The following PLXNA2 variants were observed in gnomAD, a reference collection of about 807,000 sequenced individuals.
PLXNA2 encodes plexin-A2.
In PLXNA2, 91 loss-of-function variants were observed where a neutral mutation model predicts 193.5. That is an observed-to-expected ratio of 0.47 (90% CI 0.40 to 0.56). PLXNA2 has a LOEUF of 0.56. Among genes scored for constraint, PLXNA2 ranks in the 20% least tolerant of loss-of-function variants. The pLI is 0.00. For missense variants in PLXNA2, 1,995 were observed against 2,503.2 expected (o/e 0.80, Z 4.33); for synonymous variants, 997 against 1,027.3 (o/e 0.97, Z 0.56).
chr1:208,100,729 C>A (rs371132130), intron 5 of PLXNA2, among the ~76,000 whole-genome samples: 6 of 152,314 alleles, frequency 3.9e-5, no homozygotes, highest in African/African-American at 1.2e-4. Flanking sequence ...ACAGACAAGG[C>A]GCTGCAGCCA....
Position 208,186,708 on chromosome 1 carries a change from A to ATTTTTTT in PLXNA2, c.1371+23571_1371+23572insAAAAAAA, listed in dbSNP as rs368056918. Among the ~76,000 whole-genome samples, 1,056 of 111,544 alleles carry ATTTTTTT rather than the reference A, an allele frequency of 9.5e-3. 33 individuals carry two copies. Among genetic ancestry groups the ATTTTTTT allele is most frequent in the African/African-American group, 0.03 (993 of 33,104 alleles). 73.2% of individuals were successfully genotyped at this position (111,544 alleles called of 152,430 possible). A position where few individuals can be genotyped will look rare whatever the true frequency, so the allele number is the denominator to read the frequency against. ...GGGCTGTCCTGGGAATTGCAATGTT[A>ATTTTTTT]TTTTATTTTTTTTTTTTTTTTTGAG... On this transcript the variant is annotated intron_variant, in intron 3 of 31. Transcript: ENST00000367033.
At chr1:208,113,543 TC>T (rs1180188027) in intron 4 of PLXNA2, among the ~76,000 whole-genome samples, 2 of 97,806 alleles carry the variant, frequency 2.0e-5, no homozygotes, top group Middle Eastern at 4.4e-3. Flanking sequence ...ATGCTCTCTC[TC>T]TCTTTTTTTT....
chr1:208,210,197 C>A lies in PLXNA2; in HGVS notation c.1371+83G>T, dbSNP rs772301983. 5 of 1,465,370 alleles carry A rather than the reference C, an allele frequency of 3.4e-6. No homozygotes were observed. The Admixed American group carries it at 6.8e-5, about 20-fold the overall frequency. The allele number at this position is 1,465,370 out of a possible 1,614,324, so 90.8% of individuals were successfully genotyped here. On this transcript the variant is annotated intron_variant, in intron 3 of 31. Transcript: ENST00000367033. ...AAAATAAAGTTGCCTATAGTTAAAT[C>A]TCCACCAATAGCTACCTTCCAAGAG... is the stretch of plus-strand genomic sequence containing the variant.
At chr1:208,232,573 C>T (rs1469329225) in intron 1 of PLXNA2, among the ~76,000 whole-genome samples, 1 of 152,208 alleles carries the variant, frequency 6.6e-6, no homozygotes, top group Non-Finnish European at 1.5e-5. Context: ...TGTCTCCAAC[C>T]AAGCTGATAA....
At chr1:208,114,484 G>A (rs1293234104) in intron 4 of PLXNA2, among the ~76,000 whole-genome samples, 1 of 152,220 alleles carries the variant, frequency 6.6e-6, no homozygotes, top group Non-Finnish European at 1.5e-5. Flanking sequence ...AGCTAGCTCA[G>A]CATTATCCAT....
At chr1:208,054,289 G>A (rs1665355424) in intron 14 of PLXNA2, 132 bp downstream of exon 14, 2 of 615,536 alleles carry the variant, frequency 3.2e-6, no homozygotes, top group South Asian at 2.2e-5. Flanking sequence ...GCCTTATCTG[G>A]AGGGTCCTTT....
At chr1:208,204,291 C>T (rs546705039) in intron 3 of PLXNA2, among the ~76,000 whole-genome samples, 1 of 152,312 alleles carries the variant, frequency 6.6e-6, no homozygotes, top group South Asian at 2.1e-4. Context: ...TTTCCTGCTT[C>T]CCCTGTTATA....
At chr1:208,232,312 C>A (rs999140181) in intron 1 of PLXNA2, among the ~76,000 whole-genome samples, 2 of 152,238 alleles carry the variant, frequency 1.3e-5, no homozygotes. Flanking sequence ...CCAAGCACCT[C>A]TGCAGTCCCT....
chr1:208,025,954 G>T lies in PLXNA2; in HGVS notation c.*1289C>A, dbSNP rs1457620735. ...GTGCTGTAGGCCCAGATGGTCAGGA[G>T]CTTCCGTATATGAGCGAAGGGTGGT... On this transcript the variant is annotated 3_prime_UTR_variant, in exon 32 of 32. Transcript: ENST00000367033. The T allele has an allele frequency of 6.6e-6, 1 of 152,656 alleles. No homozygotes were observed. The highest frequency in any genetic ancestry group is 1.9e-4 in the East Asian group (1 of 5,200). The allele number at this position is 152,656 out of a possible 1,614,324, so 9.5% of individuals were successfully genotyped here.
At chr1:208,180,340 GTAGGAGGC>G (rs1669801574) in intron 3 of PLXNA2, among the ~76,000 whole-genome samples, 1 of 152,118 alleles carries the variant, frequency 6.6e-6, no homozygotes, top group Non-Finnish European at 1.5e-5. Flanking sequence ...AGGGGCTCCG[GTAGGAGGC>G]CTGAGTGGGC....
At position 208,034,604 on chromosome 1, in the gene PLXNA2, A is replaced by G. The variant is rs113008184; in HGVS notation, c.4765-12T>C. Reference sequence around the variant, plus strand: ...GACCTGTCTGACACCTGAGAAGGGTACAAAAGGTACAGTACAAAAGGTGAA... The same window carrying G: ...GACCTGTCTGACACCTGAGAAGGGTGCAAAAGGTACAGTACAAAAGGTGAA... On this transcript the variant is annotated splice_polypyrimidine_tract_variant and intron_variant, in intron 26 of 31. Transcript: ENST00000367033. 7.8e-4 allele frequency: 1,207 copies of G among 1,540,802 alleles called. 10 individuals are homozygous for G. The African/African-American group carries it at 9.6e-3, about 12-fold the overall frequency.
chr1:208,210,360 G>A lies in PLXNA2; in HGVS notation c.1291C>T (p.Arg431Cys), dbSNP rs201461876. The A allele has an allele frequency of 2.2e-5, 36 of 1,613,900 alleles. No homozygotes were observed. Among genetic ancestry groups the A allele is most frequent in the Middle Eastern group, 1.6e-4 (1 of 6,084 alleles). ...ACGTAGGAGGCCACAGAGGTCATGC[G>A]GTCCCTGCTGGTGGTGTACAGGGTC... ...GLTLYTTSRD[R>C]MTSVASYVYN... Residue 431 changes from arginine to cysteine, a missense_variant, in exon 3 of 32, where the codon CGC (arginine) becomes TGC (cysteine). By Grantham distance (180) the Arg-to-Cys change is radical. This residue lies in a region of PLXNA2 where 702 missense variants were observed against 812.9 expected (regional missense o/e 0.86). Coordinates refer to ENST00000367033, the MANE Select transcript of PLXNA2 (RefSeq NM_025179.4).
At chr1:208,103,371 G>T (rs568471830) in intron 4 of PLXNA2, 124 bp from the exon 5 acceptor site, 4 of 673,006 alleles carry the variant, frequency 5.9e-6, no homozygotes, top group Admixed American at 5.8e-5. Context: ...GATACTGGGC[G>T]GCAAGTCATG....
At chr1:208,057,499 C>T (rs1427131943) in intron 13 of PLXNA2, among the ~76,000 whole-genome samples, 1 of 152,182 alleles carries the variant, frequency 6.6e-6, no homozygotes, top group East Asian at 1.9e-4. Flanking sequence ...GTTCTGAGAG[C>T]TAACCACTTG....
chr1:208,225,608 C>T (rs929045447), intron 1 of PLXNA2, among the ~76,000 whole-genome samples: 2 of 152,188 alleles, frequency 1.3e-5, no homozygotes, highest in African/African-American at 2.4e-5. Flanking sequence ...CCATGGCACC[C>T]GTCCCTGAGA....
intron 3 of PLXNA2, among the ~76,000 whole-genome samples, chr1:208,198,100 A>G (rs1670417412): frequency 6.6e-6 from 1 of 152,170 alleles, no homozygotes; most frequent in South Asian, 2.1e-4. Context: ...AATTCATAGC[A>G]ATGATTAGTG....
intron 12 of PLXNA2, among the ~76,000 whole-genome samples, chr1:208,078,388 C>T (rs1571891176): frequency 6.6e-6 from 1 of 152,270 alleles, no homozygotes; most frequent in Non-Finnish European, 1.5e-5. Context: ...ACCAGAGTTG[C>T]TTTCCTTGGC....
intron 3 of PLXNA2, among the ~76,000 whole-genome samples, chr1:208,193,520 A>C (rs185621921): frequency 2.0e-5 from 3 of 152,242 alleles, no homozygotes; most frequent in Admixed American, 6.5e-5. Context: ...TAGGATTACA[A>C]AATGAGATAA....
intron 31 of PLXNA2, among the ~76,000 whole-genome samples, chr1:208,027,611 A>G (rs1205929466): frequency 1.3e-5 from 2 of 152,218 alleles, no homozygotes; most frequent in African/African-American, 4.8e-5. Flanking sequence ...GTTCAATGCT[A>G]AAGAAGCTTT....
Sources: allele counts gnomAD v4.1 joint callset (sites outside exome capture counted in the v4.1 genomes callset), GRCh38; gene constraint gnomAD v4.1.1; regional missense constraint gnomAD v4.1.1; transcripts MANE v1.5; gene names NCBI Gene and HGNC (gene_info 2026-07-23, HGNC 2026-07-21).